The following RGL1 variants were observed in gnomAD, a reference collection of about 807,000 sequenced individuals.
RGL1 encodes the protein ral guanine nucleotide dissociation stimulator like 1.
RGL1 carries 24 observed loss-of-function variants against 95.2 expected under a neutral mutation model. The observed-to-expected ratio is 0.25, with a 90% CI of 0.18 to 0.35. RGL1 has a LOEUF of 0.35. RGL1 is among the 10% of genes least tolerant of loss of function. The pLI is 1.00. For missense variants in RGL1, 715 were observed against 936.3 expected (o/e 0.76, Z 3.08); for synonymous variants, 329 against 344.9 (o/e 0.95, Z 0.51).
intron 2 of RGL1, among the ~76,000 whole-genome samples, chr1:183,775,371 G>A (rs1659537401): frequency 6.6e-6 from 1 of 152,210 alleles, no homozygotes; most frequent in Non-Finnish European, 1.5e-5. Flanking sequence ...GCTTGTGAAT[G>A]CAGTGCACTG....
chr1:183,823,619 C>T (rs1447074555), intron 2 of RGL1, among the ~76,000 whole-genome samples: 1 of 152,120 alleles, frequency 6.6e-6, no homozygotes, highest in Non-Finnish European at 1.5e-5. Flanking sequence ...GATTTGGATA[C>T]ATATCTAGGC....
At chr1:183,720,425 CT>C (rs1390466979) in intron 1 of RGL1, among the ~76,000 whole-genome samples, 1 of 152,216 alleles carries the variant, frequency 6.6e-6, no homozygotes, top group Admixed American at 6.5e-5. Flanking sequence ...TGTTACCATT[CT>C]TTTTATTTCA....
At chr1:183,838,251 T>C (rs1184222079) in intron 2 of RGL1, among the ~76,000 whole-genome samples, 4 of 152,200 alleles carry the variant, frequency 2.6e-5, no homozygotes, top group African/African-American at 9.7e-5. Flanking sequence ...AGATAGAATC[T>C]GTTATGGATT....
chr1:183,710,363 G>A (rs922196876), intron 1 of RGL1: 4 of 153,450 alleles, frequency 2.6e-5, no homozygotes, highest in African/African-American at 7.2e-5. Context: ...TTGGAGGAGG[G>A]TAAGGACGGA....
At chr1:183,651,935 G>A (rs1423510621) in intron 1 of RGL1, among the ~76,000 whole-genome samples, 1 of 152,118 alleles carries the variant, frequency 6.6e-6, no homozygotes, top group East Asian at 1.9e-4. Flanking sequence ...CCAAAACCAA[G>A]CCCAAACTTT....
At chr1:183,700,055 TG>T (rs1214385699) in intron 1 of RGL1, among the ~76,000 whole-genome samples, 1 of 152,180 alleles carries the variant, frequency 6.6e-6, no homozygotes, top group East Asian at 1.9e-4. Flanking sequence ...CCGTATTGCA[TG>T]GGAGTATACT....
chr1:183,796,020 A>G (rs1660681106), intron 2 of RGL1, among the ~76,000 whole-genome samples: 1 of 152,142 alleles, frequency 6.6e-6, no homozygotes, highest in South Asian at 2.1e-4. Context: ...GATAGACAAC[A>G]TTATCTAGTA....
intron 15 of RGL1, 106 bp from the exon 16 acceptor site, chr1:183,916,341 A>G (rs1668967739): frequency 7.4e-7 from 1 of 1,348,738 alleles, no homozygotes; most frequent in South Asian, 1.3e-5. Flanking sequence ...TGTGGAGGAA[A>G]TAACTGCAGT....
chr1:183,685,944 C>T (rs946462601), intron 1 of RGL1, among the ~76,000 whole-genome samples: 2 of 152,160 alleles, frequency 1.3e-5, no homozygotes. Flanking sequence ...AAATCCCCAG[C>T]ACCTTGCAAA....
chr1:183,754,882 A>G (rs989594845), intron 2 of RGL1: 13 of 152,232 alleles, frequency 8.5e-5, no homozygotes, highest in African/African-American at 3.1e-4. Flanking sequence ...GCTGACTTCA[A>G]TGCCTATCTG....
At chr1:183,838,286 T>C (rs1019032916) in intron 2 of RGL1, among the ~76,000 whole-genome samples, 1 of 152,034 alleles carries the variant, frequency 6.6e-6, no homozygotes, top group African/African-American at 2.4e-5. Context: ...ACTCCAGGAG[T>C]ACTACTCTTT....
intron 16 of RGL1, among the ~76,000 whole-genome samples, chr1:183,920,113 C>A (rs1320980624): frequency 2.0e-5 from 3 of 152,012 alleles, no homozygotes; most frequent in Non-Finnish European, 4.4e-5. Context: ...CAGCTCACTG[C>A]AACCTCTGCC....
chr1:183,793,101 A>G (rs1016728959), intron 2 of RGL1, among the ~76,000 whole-genome samples: 2 of 152,174 alleles, frequency 1.3e-5, no homozygotes, highest in African/African-American at 2.4e-5. Flanking sequence ...ATATACACCA[A>G]TGGAACAGAA....
At position 183,926,203 on chromosome 1, in the gene RGL1, G is replaced by A; in HGVS notation, c.2218G>A (p.Val740Met). The A allele has an allele frequency of 6.2e-7, 1 of 1,614,038 alleles. No individual in the cohort carries two copies. The highest frequency in any genetic ancestry group is 1.3e-5 in the African/African-American group (1 of 75,044). Residue 740 changes from valine to methionine, a missense_variant, in exon 18 of 18, where the codon GTG (valine) becomes ATG (methionine). Coordinates refer to ENST00000360851, the MANE Select transcript of RGL1 (RefSeq NM_001297671.3). ...CAAAAAGAACTCCATGGAAGAACAA[G>A]TGAAACTGCGTAGCCGGACCAGCTT... The part of the protein sequence containing the change: ...LRKKNSMEEQ[V>M]KLRSRTSLTL...
chr1:183,856,965 A>G (rs1341112548), intron 3 of RGL1, among the ~76,000 whole-genome samples: 1 of 152,202 alleles, frequency 6.6e-6, no homozygotes, highest in Non-Finnish European at 1.5e-5. Context: ...ATATCCAAAG[A>G]TGTCCACATC....
At chr1:183,910,762 CT>C (rs1304166878) in intron 14 of RGL1, among the ~76,000 whole-genome samples, 11 of 152,182 alleles carry the variant, frequency 7.2e-5, no homozygotes, top group African/African-American at 2.4e-4. Flanking sequence ...AAGTCACCAC[CT>C]TTTTCACTTA....
At position 183,829,420 on chromosome 1, in the gene RGL1, G is replaced by A. The variant is rs548522652; in HGVS notation, c.139-18146G>A. Among the ~76,000 whole-genome samples, 31 of 149,618 alleles carry A rather than the reference G, an allele frequency of 2.1e-4. No homozygotes were observed. The South Asian group carries it at 5.3e-3, about 26-fold the overall frequency. The stretch of plus-strand genomic sequence containing the variant: ...CATGCTACTGCACTCCAGCCTAGGC[G>A]ACAGAACAAGACCCTGCTTAAAAAA... On this transcript the variant is annotated intron_variant, in intron 2 of 17. Transcript: ENST00000360851.
chr1:183,668,165 T>C (rs906262990), intron 1 of RGL1, among the ~76,000 whole-genome samples: 2 of 152,196 alleles, frequency 1.3e-5, no homozygotes, highest in African/African-American at 4.8e-5. Context: ...TTTATATAAA[T>C]CCAAGTTTCT....
At chr1:183,805,474 C>CCT (rs1407367737) in intron 1 of RGL1, 150 bp downstream of exon 1, 6 of 735,898 alleles carry the variant, frequency 8.2e-6, no homozygotes, top group Non-Finnish European at 1.2e-5. Flanking sequence ...GCTTTGTATT[C>CCT]CTCTCTCTCT....
Sources: allele counts gnomAD v4.1 joint callset (sites outside exome capture counted in the v4.1 genomes callset), GRCh38; gene constraint gnomAD v4.1.1; transcripts MANE v1.5; gene names NCBI Gene and HGNC (gene_info 2026-07-23, HGNC 2026-07-21).